The following GLT1D1 variants were observed in gnomAD, a reference collection of about 807,000 sequenced individuals.
GLT1D1 encodes the protein glycosyltransferase 1 domain-containing protein 1.
A neutral mutation model predicts 28.7 loss-of-function variants in GLT1D1; 21 were observed. The observed-to-expected ratio is 0.73, with a 90% CI of 0.52 to 1.05. The LOEUF is 1.05. Ranked by LOEUF, GLT1D1 falls within the 50% of genes least tolerant of loss-of-function variation. The pLI, the probability that GLT1D1 is intolerant of heterozygous loss-of-function variation, is 0.00. For missense variants in GLT1D1, 343 were observed against 330.6 expected, an observed-to-expected ratio of 1.04 and a Z score of -0.29; for synonymous variants, 147 against 124.8, an observed-to-expected ratio of 1.18 and a Z score of -1.19.
chr12:128,929,547 G>GT (rs1256640348), intron 4 of GLT1D1, among the ~76,000 whole-genome samples: 2 of 152,106 alleles, frequency 1.3e-5, no homozygotes, highest in African/African-American at 2.4e-5. Flanking sequence ...TTCTTATATA[G>GT]TTTTTTGTAG....
intron 7 of GLT1D1, 78 bp downstream of exon 11, chr12:128,957,721 C>G: frequency 2.1e-6 from 2 of 957,904 alleles, no homozygotes; most frequent in Non-Finnish European, 3.3e-6. Context: ...GAGATTCTTT[C>G]TGTTAGCGCT....
At chr12:128,897,818 G>A (rs529076676) in intron 3 of GLT1D1, among the ~76,000 whole-genome samples, 21 of 151,418 alleles carry the variant, frequency 1.4e-4, no homozygotes, top group South Asian at 2.1e-4. Context: ...ACAGGCGCCC[G>A]CCACCATGCC....
chr12:128,881,473 G>A (rs1238529793), intron 2 of GLT1D1, among the ~76,000 whole-genome samples: 5 of 133,678 alleles, frequency 3.7e-5, no homozygotes, highest in Admixed American at 3.3e-4. Context: ...GGTGAACGTT[G>A]CAGTGAGCTG....
At chr12:128,950,259 C>T (rs2135500235) in intron 6 of GLT1D1, among the ~76,000 whole-genome samples, 1 of 152,300 alleles carries the variant, frequency 6.6e-6, no homozygotes, top group East Asian at 1.9e-4. Context: ...CAAAAGATCA[C>T]TTCCTTCAAA....
intron 4 of GLT1D1, 172 bp from the exon 9 acceptor site, chr12:128,945,154 G>A (rs560809748): frequency 3.1e-5 from 23 of 750,868 alleles, no homozygotes; most frequent in Middle Eastern, 2.3e-4. Flanking sequence ...GCCCTTGCCC[G>A]AGCCGGGGGC....
intron 3 of GLT1D1, among the ~76,000 whole-genome samples, chr12:128,890,328 T>C (rs559867264): frequency 1.3e-5 from 2 of 152,304 alleles, no homozygotes; most frequent in East Asian, 3.9e-4. Flanking sequence ...TAAAGGCCCA[T>C]TATAATCTTT....
intron 1 of GLT1D1, among the ~76,000 whole-genome samples, chr12:128,867,642 C>G (rs1373612149): frequency 6.6e-6 from 1 of 152,172 alleles, no homozygotes; most frequent in Non-Finnish European, 1.5e-5. Flanking sequence ...GGTCCCCCAG[C>G]AGGCGCCAGT....
At chr12:128,978,704 T>C (rs898940252) in intron 7 of GLT1D1, among the ~76,000 whole-genome samples, 2 of 152,106 alleles carry the variant, frequency 1.3e-5, no homozygotes, top group African/African-American at 4.8e-5. Flanking sequence ...GCGAGTTTAT[T>C]AGGAAAGTGA....
intron 4 of GLT1D1, among the ~76,000 whole-genome samples, chr12:128,908,555 TG>T (rs1191101514): frequency 6.6e-6 from 1 of 151,504 alleles, no homozygotes; most frequent in Admixed American, 6.6e-5. Flanking sequence ...TTTTTTTAAT[TG>T]TTCTCCTACC....
At chr12:128,874,090 TTCTTTCTTTC>T (rs1211489803) in intron 1 of GLT1D1, among the ~76,000 whole-genome samples, 703 of 25,100 alleles carry the variant, frequency 0.028, 15 homozygotes, top group Non-Finnish European at 0.043. Flanking sequence ...CTTTCTTTCT[TTCTTTCTTTC>T]TCTCTCTCTC....
intron 4 of GLT1D1, among the ~76,000 whole-genome samples, chr12:128,911,119 A>G (rs1014085101): frequency 1.3e-5 from 2 of 152,166 alleles, no homozygotes; most frequent in South Asian, 4.1e-4. Flanking sequence ...TAGTAGAGAC[A>G]GGGTTTCACC....
At chr12:128,913,584 A>T (rs1021405516) in intron 4 of GLT1D1, among the ~76,000 whole-genome samples, 1 of 152,238 alleles carries the variant, frequency 6.6e-6, no homozygotes. Flanking sequence ...ACTAGATCCA[A>T]GGAAGAACAT....
chr12:128,861,831 A>G (rs1259139045), intron 1 of GLT1D1, among the ~76,000 whole-genome samples: 1 of 152,168 alleles, frequency 6.6e-6, no homozygotes, highest in African/African-American at 2.4e-5. Flanking sequence ...TGGCCGCATC[A>G]TTCTGAATTC....
At chr12:128,956,973 C>T (rs1176757343) in intron 6 of GLT1D1, among the ~76,000 whole-genome samples, 1 of 152,250 alleles carries the variant, frequency 6.6e-6, no homozygotes, top group Non-Finnish European at 1.5e-5. Context: ...GCACACTGTG[C>T]TGTCAGGCCA....
At chr12:128,931,905 A>ACACACTCG (rs1555270708) in intron 4 of GLT1D1, among the ~76,000 whole-genome samples, 1 of 79,892 alleles carries the variant, frequency 1.3e-5, no homozygotes, top group Non-Finnish European at 2.2e-5. Flanking sequence ...GGATATGTGC[A>ACACACTCG]CACACACGCA....
chr12:128,963,401 C>G (rs1237902625), intron 7 of GLT1D1, among the ~76,000 whole-genome samples: 1 of 152,158 alleles, frequency 6.6e-6, no homozygotes, highest in Non-Finnish European at 1.5e-5. Flanking sequence ...TATCCCAGCA[C>G]TTTGGGAGGC....
At chr12:128,932,677 G>A (rs1191756884) in intron 4 of GLT1D1, among the ~76,000 whole-genome samples, 2 of 152,144 alleles carry the variant, frequency 1.3e-5, no homozygotes, top group African/African-American at 4.8e-5. Flanking sequence ...AGCTGTCCTG[G>A]GATTTGCTGA....
intron 7 of GLT1D1, among the ~76,000 whole-genome samples, chr12:128,974,286 C>T (rs1351319548): frequency 6.6e-6 from 1 of 152,102 alleles, no homozygotes; most frequent in African/African-American, 2.4e-5. Context: ...CATCTACGGA[C>T]CCACCCGGCT....
At chr12:128,970,283 C>A (rs935835172) in intron 7 of GLT1D1, among the ~76,000 whole-genome samples, 1 of 152,170 alleles carries the variant, frequency 6.6e-6, no homozygotes, top group Admixed American at 6.5e-5. Context: ...CTGGGCACAC[C>A]GTCCTGGGTC....
Sources: allele counts gnomAD v4.1 joint callset (sites outside exome capture counted in the v4.1 genomes callset), GRCh38; gene constraint gnomAD v4.1.1; transcripts MANE v1.5; gene names NCBI Gene and HGNC (gene_info 2026-07-23, HGNC 2026-07-21).